The following ZNF804B variants were observed in gnomAD, a reference collection of about 807,000 sequenced individuals.
ZNF804B encodes the protein zinc finger 804B.
Under a neutral mutation model 101.4 loss-of-function variants are expected in ZNF804B, and 80 were observed. That is an observed-to-expected ratio of 0.79 (90% CI 0.66 to 0.95). The LOEUF (loss-of-function observed/expected upper bound fraction) is 0.95. ZNF804B is among the 40% of genes least tolerant of loss of function. The probability of loss-of-function intolerance (pLI) is 0.00; values close to 1 mark genes in which losing one functional copy is unlikely to be tolerated. For synonymous variants in ZNF804B, 622 were observed against 558.8 expected, an observed-to-expected ratio of 1.11 and a Z score of -1.59; for missense variants, 1,673 against 1,561.9, an observed-to-expected ratio of 1.07 and a Z score of -1.20.
At chr7:89,160,445 C>T (rs1000487852) in intron 1 of ZNF804B, among the ~76,000 whole-genome samples, 25 of 152,120 alleles carry the variant, frequency 1.6e-4, no homozygotes, top group Non-Finnish European at 2.5e-4. Flanking sequence ...GTCTAAGTAA[C>T]CTTAACTAAA....
intron 1 of ZNF804B, among the ~76,000 whole-genome samples, chr7:89,153,706 A>C (rs1790913527): frequency 6.6e-6 from 1 of 152,068 alleles, no homozygotes; most frequent in Admixed American, 6.6e-5. Context: ...CTCACATCAG[A>C]TTTTACTTTC....
At chr7:89,087,767 T>C (rs549033219) in intron 1 of ZNF804B, among the ~76,000 whole-genome samples, 2 of 152,014 alleles carry the variant, frequency 1.3e-5, no homozygotes, top group South Asian at 4.1e-4. Flanking sequence ...ACTTTCTTTC[T>C]TTTCCCAAAT....
chr7:88,947,768 A>C lies in ZNF804B; in HGVS notation c.108+187684A>C, dbSNP rs563902078. Reference sequence around the variant, plus strand: ...ATATGAAAATATTCAAAAATCCAAAAGAAATCTAAAATCCCAAACAATTCT... The same window carrying C: ...ATATGAAAATATTCAAAAATCCAAACGAAATCTAAAATCCCAAACAATTCT... On this transcript the variant is annotated intron_variant, in intron 1 of 3. Coordinates refer to ENST00000333190, the MANE Select transcript of ZNF804B (RefSeq NM_181646.5). 2.0e-5 allele frequency among the ~76,000 whole-genome samples: 3 copies of C among 152,074 alleles called. No individual in the cohort carries two copies. The South Asian group carries it at 6.2e-4, about 32-fold the overall frequency.
chr7:89,328,925 C>A (rs1054046354), intron 3 of ZNF804B, among the ~76,000 whole-genome samples: 2 of 151,546 alleles, frequency 1.3e-5, no homozygotes, highest in African/African-American at 2.4e-5. Flanking sequence ...ATCAGAGGTG[C>A]CTTGCTGATG....
chr7:88,827,783 C>T (rs1791070676), intron 1 of ZNF804B, among the ~76,000 whole-genome samples: 1 of 152,068 alleles, frequency 6.6e-6, no homozygotes, highest in South Asian at 2.1e-4. Flanking sequence ...CTGCCAGAAG[C>T]GTAGGACCAT....
At chr7:88,959,794 A>G (rs1336818240) in intron 1 of ZNF804B, among the ~76,000 whole-genome samples, 1 of 151,494 alleles carries the variant, frequency 6.6e-6, no homozygotes, top group Non-Finnish European at 1.5e-5. Flanking sequence ...CACTGTGGGC[A>G]GCAGCTTAAA....
chr7:89,090,596 G>T (rs1203121135), intron 1 of ZNF804B, among the ~76,000 whole-genome samples: 1 of 151,854 alleles, frequency 6.6e-6, no homozygotes, highest in Non-Finnish European at 1.5e-5. Flanking sequence ...TTATAAAGAT[G>T]AAAAAATAGG....
intron 2 of ZNF804B, among the ~76,000 whole-genome samples, chr7:89,299,489 A>C (rs1774293680): frequency 6.6e-6 from 1 of 152,038 alleles, no homozygotes. Context: ...TTACTATTTC[A>C]GTTTTATTCA....
chr7:89,037,072 C>A (rs952981656), intron 1 of ZNF804B, among the ~76,000 whole-genome samples: 1 of 152,012 alleles, frequency 6.6e-6, no homozygotes, highest in East Asian at 1.9e-4. Context: ...ACGAATGAGA[C>A]AATTTTAACC....
chr7:88,845,301 G>GCGCGCACA (rs1554339289), intron 1 of ZNF804B, among the ~76,000 whole-genome samples: 10 of 149,918 alleles, frequency 6.7e-5, no homozygotes, highest in Non-Finnish European at 1.2e-4. Flanking sequence ...GCACGCGCGC[G>GCGCGCACA]CACACACACA....
At chr7:89,161,154 C>A (rs902365339) in intron 1 of ZNF804B, among the ~76,000 whole-genome samples, 1 of 152,006 alleles carries the variant, frequency 6.6e-6, no homozygotes, top group African/African-American at 2.4e-5. Flanking sequence ...TACAACTGTG[C>A]AGAGAAACCT....
chr7:89,201,666 A>G (rs1788641713), intron 1 of ZNF804B, among the ~76,000 whole-genome samples: 1 of 152,060 alleles, frequency 6.6e-6, no homozygotes. Context: ...GGGAGATAGT[A>G]ATAATATACT....
intron 1 of ZNF804B, among the ~76,000 whole-genome samples, chr7:88,966,305 G>A (rs765490409): frequency 5.3e-4 from 81 of 151,674 alleles, no homozygotes; most frequent in African/African-American, 1.7e-3. Flanking sequence ...TTGGTGAGGT[G>A]TGGAAAGAGC....
At chr7:89,243,986 A>T (rs1021935312) in intron 2 of ZNF804B, among the ~76,000 whole-genome samples, 2 of 151,988 alleles carry the variant, frequency 1.3e-5, no homozygotes, top group African/African-American at 4.8e-5. Flanking sequence ...CACATCCATT[A>T]TATAATAACA....
At chr7:89,318,330 C>T (rs1026213695) in intron 2 of ZNF804B, among the ~76,000 whole-genome samples, 3 of 152,004 alleles carry the variant, frequency 2.0e-5, no homozygotes, top group African/African-American at 7.2e-5. Context: ...TGCTTTTTTC[C>T]TTTGATTACT....
intron 1 of ZNF804B, among the ~76,000 whole-genome samples, chr7:89,094,789 A>G (rs1420071278): frequency 2.0e-5 from 3 of 152,180 alleles, no homozygotes; most frequent in Admixed American, 1.3e-4. Context: ...AAAAGTCATT[A>G]CATATGGAAA....
chr7:89,067,822 T>C (rs920437783), intron 1 of ZNF804B, among the ~76,000 whole-genome samples: 2 of 130,966 alleles, frequency 1.5e-5, no homozygotes, highest in Non-Finnish European at 1.6e-5. Context: ...TTTTTTCTTT[T>C]CTTTTCTTTT....
At chr7:89,101,602 G>A (rs542632747) in intron 1 of ZNF804B, among the ~76,000 whole-genome samples, 7 of 151,888 alleles carry the variant, frequency 4.6e-5, no homozygotes, top group South Asian at 2.1e-4. Context: ...GTTTTATTAC[G>A]TAAAATCAGG....
At chr7:89,289,682 G>T (rs1161148447) in intron 2 of ZNF804B, among the ~76,000 whole-genome samples, 1 of 152,188 alleles carries the variant, frequency 6.6e-6, no homozygotes, top group Non-Finnish European at 1.5e-5. Flanking sequence ...ACACGAAGGG[G>T]AATCACTCAT....
Sources: gnomAD v4.1 joint callset for allele counts (sites outside exome capture counted in the v4.1 genomes callset) on GRCh38, gnomAD v4.1.1 for gene constraint, MANE v1.5 for transcripts, NCBI Gene and HGNC (gene_info 2026-07-23, HGNC 2026-07-21) for gene names.